The following AFF3 variants were observed in gnomAD, a reference collection of about 807,000 sequenced individuals.
AFF3 encodes the protein AF4/FMR2 family member 3.
A neutral mutation model predicts 129.7 loss-of-function variants in AFF3; 32 were observed. That is an observed-to-expected ratio of 0.25 (90% confidence interval 0.19 to 0.33). AFF3 has a LOEUF of 0.33. Among genes scored for constraint, AFF3 ranks in the 10% least tolerant of loss-of-function variants. The probability of loss-of-function intolerance (pLI) is 1.00; values close to 1 mark genes in which losing one functional copy is unlikely to be tolerated. For missense variants in AFF3, 1,373 were observed against 1,592.0 expected (o/e 0.86, Z 2.34); for synonymous variants, 644 against 635.4 (o/e 1.01, Z -0.20).
chr2:100,040,591 T>C (rs1248637840), intron 4 of AFF3, among the ~76,000 whole-genome samples: 2 of 152,110 alleles, frequency 1.3e-5, no homozygotes, highest in African/African-American at 4.8e-5. Flanking sequence ...GAGAGCAGGA[T>C]GTTGAAGGAG....
intron 12 of AFF3, among the ~76,000 whole-genome samples, chr2:99,651,062 A>T (rs1374347693): frequency 1.3e-5 from 2 of 150,914 alleles, no homozygotes; most frequent in Non-Finnish European, 2.9e-5. Context: ...AATTCCAGCT[A>T]CTCGGGAGGC....
At chr2:99,918,500 A>T (rs960161282) in intron 7 of AFF3, among the ~76,000 whole-genome samples, 3 of 152,230 alleles carry the variant, frequency 2.0e-5, no homozygotes, top group Non-Finnish European at 4.4e-5. Flanking sequence ...CCTGCCTTCC[A>T]TAAGGAGAAT....
At chr2:99,746,136 TA>T in intron 9 of AFF3, among the ~76,000 whole-genome samples, 1 of 150,546 alleles carries the variant, frequency 6.6e-6, no homozygotes, top group Non-Finnish European at 1.5e-5. Flanking sequence ...AAAAAAAATT[TA>T]AATATGAAAG....
At chr2:100,062,763 G>A (rs368772226) in intron 4 of AFF3, among the ~76,000 whole-genome samples, 1 of 152,144 alleles carries the variant, frequency 6.6e-6, no homozygotes, top group African/African-American at 2.4e-5. Flanking sequence ...AACCAAATAT[G>A]AGCTAGCAAT....
chr2:100,079,147 C>T (rs1260614498), intron 4 of AFF3, among the ~76,000 whole-genome samples: 3 of 152,012 alleles, frequency 2.0e-5, no homozygotes, highest in South Asian at 2.1e-4. Context: ...GGAGTTTCAC[C>T]GTATTAGCCA....
intron 8 of AFF3, among the ~76,000 whole-genome samples, chr2:99,814,249 C>A (rs1314011183): frequency 6.6e-6 from 1 of 152,052 alleles, no homozygotes; most frequent in Non-Finnish European, 1.5e-5. Flanking sequence ...CCACCACCAC[C>A]ACCACCACCC....
intron 7 of AFF3, among the ~76,000 whole-genome samples, chr2:99,902,985 T>C (rs144405747): frequency 0.012 from 1,830 of 152,312 alleles, 41 homozygotes; most frequent in African/African-American, 0.042. Flanking sequence ...GAGCATTCTA[T>C]ATTGAAGCCA....
intron 7 of AFF3, among the ~76,000 whole-genome samples, chr2:99,950,615 ATG>A: frequency 1.3e-5 from 2 of 152,226 alleles, no homozygotes; most frequent in African/African-American, 4.8e-5. Flanking sequence ...TGTCATATCC[ATG>A]AAATCATTTT....
chr2:99,998,170 G>A (rs1471189775), intron 7 of AFF3, among the ~76,000 whole-genome samples: 2 of 152,196 alleles, frequency 1.3e-5, no homozygotes, highest in East Asian at 1.9e-4. Context: ...GGACCTCGTA[G>A]GTACGAATCA....
In AFF3 at chr2:99,713,168, G is replaced by A. The variant is rs192593510; in HGVS notation, c.1091+13909C>T. 3.3e-5 allele frequency among the ~76,000 whole-genome samples: 5 copies of A among 152,166 alleles called. No homozygotes were observed. In the East Asian group the frequency reaches 9.7e-4, roughly 29 times the overall value. On this transcript the variant is annotated intron_variant, in intron 11 of 24. Transcript: ENST00000672756. ...TTCTAAGGAGAGGGTGGTGACGGCC[G>A]CTCAACATGTAAATGTATTAATCCT...
At chr2:99,866,389 A>T (rs1691401063) in intron 7 of AFF3, among the ~76,000 whole-genome samples, 1 of 152,182 alleles carries the variant, frequency 6.6e-6, no homozygotes, top group South Asian at 2.1e-4. Flanking sequence ...ATCATCAGAA[A>T]AAAAGCCCAG....
At chr2:99,896,472 C>T (rs1693951698) in intron 7 of AFF3, among the ~76,000 whole-genome samples, 1 of 152,124 alleles carries the variant, frequency 6.6e-6, no homozygotes, top group South Asian at 2.1e-4. Flanking sequence ...GAGTTATCTT[C>T]CTGGGTCAGT....
chr2:100,075,361 G>T (rs1292288769), intron 4 of AFF3, among the ~76,000 whole-genome samples: 1 of 152,092 alleles, frequency 6.6e-6, no homozygotes, highest in East Asian at 1.9e-4. Flanking sequence ...CAATCATTTT[G>T]CCCCCTCTAG....
chr2:99,641,562 C>T (rs577443627), intron 13 of AFF3, among the ~76,000 whole-genome samples: 1 of 152,110 alleles, frequency 6.6e-6, no homozygotes, highest in Admixed American at 6.5e-5. Flanking sequence ...CCTATAATTC[C>T]AGATACTTGG....
intron 12 of AFF3, among the ~76,000 whole-genome samples, chr2:99,662,005 T>C (rs1022009505): frequency 5.3e-5 from 8 of 152,074 alleles, no homozygotes; most frequent in African/African-American, 1.9e-4. Flanking sequence ...CTGGGCATGG[T>C]GGCACACACT....
chr2:100,084,188 A>G (rs972316751), intron 4 of AFF3, among the ~76,000 whole-genome samples: 2 of 152,264 alleles, frequency 1.3e-5, no homozygotes, highest in Non-Finnish European at 2.9e-5. Flanking sequence ...TCCCTCATTT[A>G]GTCAATAAAC....
chr2:99,952,086 T>C (rs1576417800), intron 7 of AFF3, among the ~76,000 whole-genome samples: 2 of 152,344 alleles, frequency 1.3e-5, no homozygotes, highest in South Asian at 4.1e-4. Flanking sequence ...TTTGGATCTG[T>C]GTCTCCAACC....
At chr2:100,058,400 A>G (rs1686977777) in intron 4 of AFF3, among the ~76,000 whole-genome samples, 1 of 152,224 alleles carries the variant, frequency 6.6e-6, no homozygotes, top group Admixed American at 6.5e-5. Context: ...GGACATCATG[A>G]AAAAAGCAAA....
chr2:99,923,044 A>T (rs1470599532), intron 7 of AFF3, among the ~76,000 whole-genome samples: 1 of 152,218 alleles, frequency 6.6e-6, no homozygotes, highest in Non-Finnish European at 1.5e-5. Context: ...ACAAACTTTA[A>T]AAAAGAATAG....
Sources: allele counts gnomAD v4.1 joint callset (sites outside exome capture counted in the v4.1 genomes callset), GRCh38; gene constraint gnomAD v4.1.1; transcripts MANE v1.5; gene names NCBI Gene and HGNC (gene_info 2026-07-23, HGNC 2026-07-21).